Variants in STOX2 observed in about 807,000 individuals in gnomAD.
STOX2 encodes storkhead box 2.
Under a neutral mutation model 60.9 loss-of-function variants are expected in STOX2, and 28 were observed. The ratio of observed to expected loss-of-function variants is 0.46; its 90% CI spans 0.34 to 0.63. STOX2 has a LOEUF of 0.63. STOX2 is among the 30% of genes least tolerant of loss of function. The pLI is 0.01. For synonymous variants in STOX2, 472 were observed against 463.9 expected, an observed-to-expected ratio of 1.02 and a Z score of -0.22; for missense variants, 1,024 against 1,187.7, an observed-to-expected ratio of 0.86 and a Z score of 2.03.
chr4:183,974,230 A>G (rs1278594438), intron 1 of STOX2, among the ~76,000 whole-genome samples: 2 of 152,218 alleles, frequency 1.3e-5, no homozygotes, highest in African/African-American at 4.8e-5. Context: ...ATACAAAGGA[A>G]TACAGTAAAA....
intron 1 of STOX2, among the ~76,000 whole-genome samples, chr4:183,919,007 G>C (rs1330874317): frequency 6.6e-6 from 1 of 152,160 alleles, no homozygotes; most frequent in East Asian, 1.9e-4. Flanking sequence ...TTCAAATCAA[G>C]GGAAAGATAA....
intron 2 of STOX2, among the ~76,000 whole-genome samples, chr4:184,005,863 A>G (rs1048976537): frequency 1.3e-5 from 2 of 152,252 alleles, no homozygotes; most frequent in African/African-American, 4.8e-5. Flanking sequence ...CAGGGGGCAA[A>G]GAATGTTTCT....
At chr4:183,940,272 C>T (rs1742718132) in intron 1 of STOX2, among the ~76,000 whole-genome samples, 1 of 152,206 alleles carries the variant, frequency 6.6e-6, no homozygotes, top group Non-Finnish European at 1.5e-5. Flanking sequence ...TCTTTCGTGC[C>T]TCACGAATTT....
chr4:183,824,732 A>G (rs1482073487), intron 1 of STOX2, among the ~76,000 whole-genome samples: 2 of 152,212 alleles, frequency 1.3e-5, no homozygotes, highest in African/African-American at 2.4e-5. Context: ...TTTATTTAGT[A>G]TGTATTATGT....
chr4:183,922,521 T>C (rs1351097849), intron 1 of STOX2, among the ~76,000 whole-genome samples: 1 of 152,058 alleles, frequency 6.6e-6, no homozygotes, highest in Non-Finnish European at 1.5e-5. Flanking sequence ...AATTTTTGTA[T>C]TTTTAGTAGA....
At chr4:183,947,872 T>C (rs1332728756) in intron 1 of STOX2, among the ~76,000 whole-genome samples, 2 of 152,178 alleles carry the variant, frequency 1.3e-5, no homozygotes. Context: ...CTTGATGCTG[T>C]GCTATCCTAA....
At chr4:183,946,642 T>G (rs1215111344) in intron 1 of STOX2, among the ~76,000 whole-genome samples, 4 of 140,832 alleles carry the variant, frequency 2.8e-5, no homozygotes, top group Admixed American at 1.4e-4. Flanking sequence ...TTTTTTTTTT[T>G]TGTGATGGAG....
Position 183,808,495 on chromosome 4 carries a change from T to G in STOX2, c.364+10440T>G, listed in dbSNP as rs144352125. Among the ~76,000 whole-genome samples, 74 of 152,360 alleles carry G rather than the reference T, an allele frequency of 4.9e-4. No individual in the cohort carries two copies. The East Asian group carries it at 0.014, about 28-fold the overall frequency. ...ATTTGTCTAGGTTGATCACTTTCCT[T>G]TCATCAGAGCCTGGTTATTAATTTG... On this transcript the variant is annotated intron_variant, in intron 1 of 2. Transcript: ENST00000513034.
rs1740731130 is a variant in STOX2, at chr4:183,873,050, T to C, written c.364+74995T>C. On this transcript the variant is annotated intron_variant, in intron 1 of 2. Transcript: ENST00000513034. Reference sequence around the variant, plus strand: ...ACTTACTTTTTGGAAGCTGGCTCTTTATTTTTAATACAAAGACAGTCTAAG... The same window carrying C: ...ACTTACTTTTTGGAAGCTGGCTCTTCATTTTTAATACAAAGACAGTCTAAG... Among the ~76,000 whole-genome samples the C allele has an allele frequency of 2.6e-5, 4 of 152,220 alleles. No homozygotes were observed. The South Asian group carries it at 8.3e-4, about 32-fold the overall frequency.
chr4:183,850,896 C>G (rs200428527), intron 1 of STOX2, among the ~76,000 whole-genome samples: 1,432 of 44,780 alleles, frequency 0.032, 1 homozygote, highest in Middle Eastern at 0.067. Flanking sequence ...ATGAGAGAAA[C>G]GATGAGGGAA....
At chr4:183,876,812 C>T (rs542199185) in intron 1 of STOX2, among the ~76,000 whole-genome samples, 4 of 152,212 alleles carry the variant, frequency 2.6e-5, no homozygotes, top group South Asian at 4.1e-4. Flanking sequence ...GTGGGCCAAG[C>T]GGGCATTCTA....
intron 1 of STOX2, among the ~76,000 whole-genome samples, chr4:183,992,169 G>T (rs1733139928): frequency 6.6e-6 from 1 of 152,166 alleles, no homozygotes; most frequent in Non-Finnish European, 1.5e-5. Context: ...AGGGGGGTTG[G>T]TTGGTAGCAG....
rs76551668 is a variant in STOX2, at chr4:183,857,282, T to C, written c.364+59227T>C. 1.7e-3 allele frequency among the ~76,000 whole-genome samples: 171 copies of C among 102,722 alleles called. 2 individuals are homozygous for C. In the South Asian group the frequency reaches 0.035, roughly 21 times the overall value. The allele number at this position is 102,722 out of a possible 152,430, so 67.4% of individuals were successfully genotyped here. On this transcript the variant is annotated intron_variant, in intron 1 of 2. Coordinates refer to the STOX2 transcript ENST00000513034. ...GGTTATCCTGCAGGACTGGTCATCT[T>C]GCAGGACTGGTCATTCCACAGGACT...
intron 1 of STOX2, among the ~76,000 whole-genome samples, chr4:183,911,104 G>A (rs1741766287): frequency 6.6e-6 from 1 of 152,102 alleles, no homozygotes; most frequent in African/African-American, 2.4e-5. Context: ...CTGTGCAGTG[G>A]CTCTGTCTTG....
intron 1 of STOX2, among the ~76,000 whole-genome samples, chr4:183,826,537 C>T (rs1430205923): frequency 1.3e-5 from 2 of 152,226 alleles, no homozygotes; most frequent in African/African-American, 2.4e-5. Flanking sequence ...ATTCTCTACA[C>T]CACTTCACTC....
intron 1 of STOX2, among the ~76,000 whole-genome samples, chr4:183,892,551 A>T (rs181919075): frequency 3.7e-4 from 56 of 152,270 alleles, no homozygotes; most frequent in Middle Eastern, 3.4e-3. Context: ...AAGTGCTGGG[A>T]TTACAGGCGT....
intron 1 of STOX2, among the ~76,000 whole-genome samples, chr4:183,819,264 TGAGTGAAC>T (rs1198739185): frequency 6.6e-6 from 1 of 152,034 alleles, no homozygotes; most frequent in Non-Finnish European, 1.5e-5. Flanking sequence ...CATTGAGCAC[TGAGTGAAC>T]GAGACTCCAT....
At chr4:183,826,156 A>G (rs1278108457) in intron 1 of STOX2, among the ~76,000 whole-genome samples, 1 of 152,114 alleles carries the variant, frequency 6.6e-6, no homozygotes, top group African/African-American at 2.4e-5. Flanking sequence ...TTCGCTCCTC[A>G]GATGATTCCA....
At chr4:183,886,874 C>T (rs1472964149) in intron 1 of STOX2, among the ~76,000 whole-genome samples, 1 of 152,162 alleles carries the variant, frequency 6.6e-6, no homozygotes, top group Non-Finnish European at 1.5e-5. Context: ...CTTCTACACA[C>T]GAAGAATAAT....
Sources: gnomAD v4.1 joint callset for allele counts (sites outside exome capture counted in the v4.1 genomes callset) on GRCh38, gnomAD v4.1.1 for gene constraint, MANE v1.5 for transcripts, NCBI Gene and HGNC (gene_info 2026-07-23, HGNC 2026-07-21) for gene names.